The following MAT2B variants were observed in gnomAD, a reference collection of about 807,000 sequenced individuals.
MAT2B encodes methionine adenosyltransferase 2 non-catalytic beta subunit, also known as methionine adenosyltransferase 2 subunit beta.
Under a neutral mutation model 36.1 loss-of-function variants are expected in MAT2B, and 16 were observed. That is an observed-to-expected ratio of 0.44 (90% CI 0.30 to 0.67). The LOEUF (loss-of-function observed/expected upper bound fraction) is 0.67. Among genes scored for constraint, MAT2B ranks in the 30% least tolerant of loss-of-function variants. The probability of loss-of-function intolerance (pLI) is 0.09; values close to 1 mark genes in which losing one functional copy is unlikely to be tolerated. For missense variants in MAT2B, 332 were observed against 398.2 expected (o/e 0.83, Z 1.42); for synonymous variants, 148 against 136.9 (o/e 1.08, Z -0.57).
At position 163,514,010 on chromosome 5, in the gene MAT2B, T is replaced by C; in HGVS notation, c.526+16T>C. 2.5e-6 allele frequency: 4 copies of C among 1,589,880 alleles called. No individual in the cohort carries two copies. Among genetic ancestry groups the C allele is most frequent in the Non-Finnish European group, 3.4e-6 (4 of 1,171,152 alleles). The stretch of plus-strand genomic sequence containing the variant: ...AACAATCTAGGTAAGACCTAATCTA[T>C]TTAGCCCCTGATTGTTTTTGAAGAC... On this transcript the variant is annotated intron_variant, in intron 4 of 6. Transcript: ENST00000321757.
intron 4 of MAT2B, among the ~76,000 whole-genome samples, chr5:163,515,811 G>A (rs1328537220): frequency 2.0e-5 from 2 of 100,820 alleles, no homozygotes; most frequent in African/African-American, 8.4e-5. Context: ...CAGGGTCTCA[G>A]TCGCCTGGGC....
intron 1 of MAT2B, among the ~76,000 whole-genome samples, chr5:163,507,972 T>C (rs1446361766): frequency 6.6e-6 from 1 of 152,222 alleles, no homozygotes; most frequent in Non-Finnish European, 1.5e-5. Flanking sequence ...TCTAAATGCC[T>C]TCCCCATTTA....
intron 1 of MAT2B, among the ~76,000 whole-genome samples, chr5:163,507,996 A>G (rs189984339): frequency 6.6e-6 from 1 of 152,366 alleles, no homozygotes; most frequent in African/African-American, 2.4e-5. Flanking sequence ...ATGAGGAATT[A>G]GATCAATAGA....
intron 1 of MAT2B, among the ~76,000 whole-genome samples, chr5:163,511,449 T>C (rs1359302693): frequency 7.1e-6 from 1 of 141,300 alleles, no homozygotes; most frequent in Non-Finnish European, 1.5e-5. Context: ...CTTTTTTTTT[T>C]TTTTTTTTTT....
intron 4 of MAT2B, among the ~76,000 whole-genome samples, chr5:163,515,696 T>G (rs1760119079): frequency 6.6e-6 from 1 of 151,708 alleles, no homozygotes; most frequent in Non-Finnish European, 1.5e-5. Context: ...ATCATATTAA[T>G]GTAGGATTTA....
At chr5:163,511,604 C>A (rs1760045807) in intron 1 of MAT2B, among the ~76,000 whole-genome samples, 1 of 151,892 alleles carries the variant, frequency 6.6e-6, no homozygotes, top group South Asian at 2.1e-4. Flanking sequence ...TTAAGTGATA[C>A]AGTTTTTTAT....
chr5:163,508,570 T>C (rs1351183472), intron 1 of MAT2B, among the ~76,000 whole-genome samples: 1 of 152,182 alleles, frequency 6.6e-6, no homozygotes, highest in East Asian at 1.9e-4. Context: ...AAAACAGCTA[T>C]GATTGTATAC....
At chr5:163,512,332 C>G in intron 2 of MAT2B, 136 bp downstream of exon 2, 1 of 747,296 alleles carries the variant, frequency 1.3e-6, no homozygotes, top group Non-Finnish European at 2.3e-6. Context: ...GCATTTTTTT[C>G]ATTTAGCATG....
rs111831984 is a variant in MAT2B at position 163,512,381 on chromosome 5, G to A, written c.258+185G>A. 5.2e-4 allele frequency: 316 copies of A among 602,070 alleles called. 1 individual carries two copies. Among genetic ancestry groups the A allele is most frequent in the African/African-American group, 4.5e-3 (243 of 53,914 alleles). 37.3% of individuals were successfully genotyped at this position (602,070 alleles called of 1,614,324 possible). A position where few individuals can be genotyped will look rare whatever the true frequency, so the allele number is the denominator to read the frequency against. On this transcript the variant is annotated intron_variant, in intron 2 of 6. Coordinates refer to ENST00000321757, the MANE Select transcript of MAT2B (RefSeq NM_013283.5). Reference sequence around the variant, plus strand: ...AAACCTTAAAGTTAAATTTTGACACGCTGACAAAGACAAATATGAGACATT... The same window carrying A: ...AAACCTTAAAGTTAAATTTTGACACACTGACAAAGACAAATATGAGACATT...
chr5:163,515,770 C>CTTTTTTTTTTT (rs66978639), intron 4 of MAT2B, among the ~76,000 whole-genome samples: 1,671 of 69,402 alleles, frequency 0.024, 109 homozygotes, highest in Non-Finnish European at 0.031. Context: ...TTGCCTTTTT[C>CTTTTTTTTTTT]TTTTTTTTTT....
At chr5:163,512,537 C>T (rs933317829) in intron 2 of MAT2B, 1 of 385,718 alleles carries the variant, frequency 2.6e-6, no homozygotes, top group Non-Finnish European at 4.9e-6. Flanking sequence ...GGAGCAGGCT[C>T]AGAGAGGTTT....
intron 1 of MAT2B, among the ~76,000 whole-genome samples, chr5:163,509,591 TC>T (rs1203393466): frequency 6.6e-6 from 1 of 152,218 alleles, no homozygotes; most frequent in Non-Finnish European, 1.5e-5. Context: ...TGTTACCTGT[TC>T]CTTTGCTTCC....
At position 163,513,597 on chromosome 5, in the gene MAT2B, G is replaced by A. The variant is rs772284491; in HGVS notation, c.301G>A (p.Val101Ile). 2 of 1,613,760 alleles carry A rather than the reference G, an allele frequency of 1.2e-6. No individual in the cohort carries two copies. ...TTGTGCAGCAGAGAGAAGACCAGAT[G>A]TTGTAGAAAATCAGCCAGATGCTGC... The part of the protein sequence containing the change: ...VHCAAERRPD[V>I]VENQPDAASQ... Residue 101 changes from valine (V) to isoleucine (I), a missense_variant, in exon 3 of 7, where the codon GTT (valine) becomes ATT (isoleucine). By Grantham distance (29) the Val-to-Ile change is conservative. Coordinates refer to ENST00000321757, the MANE Select transcript of MAT2B (RefSeq NM_013283.5).
At chr5:163,515,954 C>T (rs1250464210) in intron 4 of MAT2B, among the ~76,000 whole-genome samples, 3 of 151,856 alleles carry the variant, frequency 2.0e-5, no homozygotes, top group African/African-American at 4.8e-5. Context: ...ACGCTGGTCT[C>T]GAACTCCTGG....
At chr5:163,505,080 G>GT (rs908880536), upstream of MAT2B, among the ~76,000 whole-genome samples, 4 of 151,726 alleles carry the variant, frequency 2.6e-5, no homozygotes, top group Non-Finnish European at 5.9e-5. Context: ...TCACACACAG[G>GT]TTTTTTCTTT....
intron 4 of MAT2B, 61 bp downstream of exon 4, chr5:163,514,055 TACAC>T: frequency 7.4e-7 from 1 of 1,345,924 alleles, no homozygotes; most frequent in Non-Finnish European, 1.0e-6. Context: ...CATTTATACA[TACAC>T]ATATATATGT....
At chr5:163,515,638 A>G (rs1239877553) in intron 4 of MAT2B, among the ~76,000 whole-genome samples, 1 of 152,084 alleles carries the variant, frequency 6.6e-6, no homozygotes, top group Non-Finnish European at 1.5e-5. Context: ...CATCCAGTCA[A>G]AGACTATTCA....
Position 163,518,381 on chromosome 5 carries a change from C to CT in MAT2B, c.*30dup, listed in dbSNP as rs200442777. 0.016 allele frequency: 20,725 copies of CT among 1,317,744 alleles called. 35 individuals are homozygous for CT. Among genetic ancestry groups the CT allele is most frequent in the African/African-American group, 0.043 (2,802 of 64,920 alleles). The allele number at this position is 1,317,744 out of a possible 1,614,324, so 81.6% of individuals were successfully genotyped here. A position where few individuals can be genotyped will look rare whatever the true frequency, so the allele number is the denominator to read the frequency against. On this transcript the variant is annotated 3_prime_UTR_variant, in exon 7 of 7. Coordinates refer to ENST00000321757, the MANE Select transcript of MAT2B (RefSeq NM_013283.5). ...TTCATTAGTTTATTTGTGTTGGGTTCTTTTTTTTTTTTAAATGAAAAGTAT... is the reference window on the plus strand; with the variant it reads ...TTCATTAGTTTATTTGTGTTGGGTTCTTTTTTTTTTTTTAAATGAAAAGTAT...
chr5:163,516,851 G>A, intron 5 of MAT2B, 140 bp downstream of exon 5: 1 of 720,150 alleles, frequency 1.4e-6, no homozygotes. Flanking sequence ...AACAAAAGTA[G>A]TTTACATATA....
Sources: allele counts gnomAD v4.1 joint callset (sites outside exome capture counted in the v4.1 genomes callset), GRCh38; gene constraint gnomAD v4.1.1; transcripts MANE v1.5; gene names NCBI Gene and HGNC (gene_info 2026-07-23, HGNC 2026-07-21).